The following DHX32 variants were observed in gnomAD, a reference collection of about 807,000 sequenced individuals.
DHX32 encodes DEAH-box helicase 32 (putative).
Under a neutral mutation model 70.0 loss-of-function variants are expected in DHX32, and 51 were observed. The observed-to-expected ratio is 0.73, with a 90% CI of 0.58 to 0.92. The LOEUF (loss-of-function observed/expected upper bound fraction) is 0.92. DHX32 is among the 40% of genes least tolerant of loss of function. The probability of loss-of-function intolerance (pLI) is 0.00; values close to 1 mark genes in which losing one functional copy is unlikely to be tolerated. For missense variants in DHX32, 762 were observed against 891.8 expected (o/e 0.85, Z 1.85); for synonymous variants, 310 against 315.3 (o/e 0.98, Z 0.18).
intron 1 of DHX32, among the ~76,000 whole-genome samples, chr10:125,872,178 T>C (rs764094835): frequency 2.6e-5 from 4 of 152,120 alleles, no homozygotes; most frequent in Non-Finnish European, 5.9e-5. Context: ...TTCTGGGTAC[T>C]ACTTAGCAAC....
chr10:125,843,856 C>T (rs887143640), intron 6 of DHX32, among the ~76,000 whole-genome samples: 1 of 152,204 alleles, frequency 6.6e-6, no homozygotes, highest in Non-Finnish European at 1.5e-5. Context: ...CAGTGCCAAA[C>T]CACCCAAGGG....
At chr10:125,890,947 T>TA (rs11268364) in intron 1 of DHX32, among the ~76,000 whole-genome samples, 9 of 151,882 alleles carry the variant, frequency 5.9e-5, no homozygotes, top group Non-Finnish European at 1.5e-5. Flanking sequence ...CCGTCTCTAT[T>TA]AAAAAAACAT....
chr10:125,839,206 CAAGG>C lies in DHX32; in HGVS notation c.1694-22_1694-19del. ...CACACAGTCTAGGAGGGAAAGAACACAAGGCTATTTAGAAATGATTTGTCAGAAG... is the reference window on the plus strand; with the variant it reads ...CACACAGTCTAGGAGGGAAAGAACACCTATTTAGAAATGATTTGTCAGAAG... On this transcript the variant is annotated intron_variant, in intron 8 of 10. Coordinates refer to ENST00000284690, the MANE Select transcript of DHX32 (RefSeq NM_018180.3). The C allele has an allele frequency of 6.2e-7, 1 of 1,610,082 alleles. No homozygotes were observed. Among genetic ancestry groups the C allele is most frequent in the Non-Finnish European group, 8.5e-7 (1 of 1,177,210 alleles).
At chr10:125,860,099 G>A in intron 2 of DHX32, 124 bp from the exon 3 acceptor site, 3 of 853,708 alleles carry the variant, frequency 3.5e-6, no homozygotes, top group Non-Finnish European at 5.2e-6. Context: ...TTTTTACTGG[G>A]GCCAAAATTC....
In DHX32 at chr10:125,866,369, G is replaced by A. The variant is rs1440867864; in HGVS notation, c.476+621C>T. Among the ~76,000 whole-genome samples, 1 of 152,160 alleles carries A rather than the reference G, an allele frequency of 6.6e-6. No homozygotes were observed. The highest frequency in any genetic ancestry group is 1.5e-5 in the Non-Finnish European group (1 of 68,044). Reference sequence around the variant, plus strand: ...GCACAGAAGAGATACCACAACTTGCGGTAGCCACAGAGAAGTCTCCTTGGA... The same window carrying A: ...GCACAGAAGAGATACCACAACTTGCAGTAGCCACAGAGAAGTCTCCTTGGA... On this transcript the variant is annotated intron_variant, in intron 2 of 10. Transcript: ENST00000284690. This position sits in a 1 kb window ranked among gnomAD's most constrained non-coding sequence, Gnocchi z 4.8.
At chr10:125,868,707 T>C (rs184675592) in intron 1 of DHX32, among the ~76,000 whole-genome samples, 13 of 152,356 alleles carry the variant, frequency 8.5e-5, no homozygotes, top group African/African-American at 1.7e-4. Context: ...ACCTAAGGGA[T>C]TGGCTTGCCA....
intron 6 of DHX32, among the ~76,000 whole-genome samples, chr10:125,850,418 C>T (rs976981373): frequency 4.9e-5 from 7 of 143,328 alleles, no homozygotes; most frequent in African/African-American, 1.3e-4. Flanking sequence ...AGTGCAATGG[C>T]GCAATCTTGG....
chr10:125,894,758 A>T (rs969658804), intron 1 of DHX32, among the ~76,000 whole-genome samples: 5 of 152,426 alleles, frequency 3.3e-5, no homozygotes, highest in Middle Eastern at 6.8e-3. Flanking sequence ...AATAAATGCC[A>T]GGTGTTTTTT....
intron 1 of DHX32, among the ~76,000 whole-genome samples, chr10:125,877,573 G>A (rs953858895): frequency 7.2e-5 from 11 of 152,104 alleles, no homozygotes; most frequent in African/African-American, 2.7e-4. Flanking sequence ...TGTAATCCCA[G>A]CTACTCAAGA....
Position 125,859,885 on chromosome 10 carries a change from T to G in DHX32, c.567A>C (p.Glu189Asp). Residue 189 changes from glutamate (E) to aspartate (D), a missense_variant, in exon 3 of 11, where the codon GAA becomes GAC. Glu to Asp is a conservative substitution (Grantham distance 45). Coordinates refer to ENST00000284690, the MANE Select transcript of DHX32 (RefSeq NM_018180.3). ...YGVIILDDIH[E>D]RSIATDVLLG... ...GTAACACATCAGTTGCAATGCTTCT[T>G]TCATGAATATCATCTAAGATGATGA... 6.2e-7 allele frequency: 1 copy of G among 1,614,102 alleles called. No homozygotes were observed. Among genetic ancestry groups the G allele is most frequent in the South Asian group, 1.1e-5 (1 of 91,066 alleles).
chr10:125,888,220 T>TTTA (rs1554898342), intron 1 of DHX32, among the ~76,000 whole-genome samples: 1 of 148,372 alleles, frequency 6.7e-6, no homozygotes, highest in African/African-American at 2.5e-5. Context: ...TTTTTTTTTT[T>TTTA]AAAGACAGGG....
intron 1 of DHX32, among the ~76,000 whole-genome samples, chr10:125,867,609 G>A (rs564633651): frequency 6.6e-5 from 10 of 152,092 alleles, no homozygotes; most frequent in South Asian, 2.1e-4. Flanking sequence ...GGTGGCGGGC[G>A]CCTGTAGTCT....
At chr10:125,892,589 C>T (rs1944377870) in intron 1 of DHX32, among the ~76,000 whole-genome samples, 1 of 152,222 alleles carries the variant, frequency 6.6e-6, no homozygotes, top group Non-Finnish European at 1.5e-5. Flanking sequence ...CGTGCCTCAG[C>T]CCAGGCTGTT....
rs1854702597 is a variant in DHX32 at position 125,836,794 on chromosome 10, T to C, written c.2125A>G (p.Ile709Val). The C allele has an allele frequency of 6.2e-7, 1 of 1,614,082 alleles. No homozygotes were observed. The highest frequency in any genetic ancestry group is 1.7e-5 in the Admixed American group (1 of 60,008). ...AGGTGATCCACTACTTGCTGTAGAA[T>C]GTCCTTACTTTCACTAGGAGGCAGA... ...SNLPPSESKD[I>V]LQQVVDHLSP... The change falls in exon 11 of 11, where the codon ATT becomes GTT. Residue 709 changes from isoleucine to valine, a missense_variant. By Grantham distance (29) the Ile-to-Val change is conservative (BLOSUM62 3). Around this residue, in one of 3 missense-constraint regions of DHX32, gnomAD observed 366 missense variants for 402.6 expected, o/e 0.91. Coordinates refer to ENST00000284690, the MANE Select transcript of DHX32 (RefSeq NM_018180.3).
intron 3 of DHX32, 35 bp from the exon 4 acceptor site, chr10:125,854,238 A>C: frequency 1.9e-6 from 3 of 1,545,900 alleles, no homozygotes; most frequent in Non-Finnish European, 1.7e-6. Context: ...ATAAAATACA[A>C]TGCAAACAAC....
chr10:125,881,024 C>T lies in DHX32; in HGVS notation c.-200G>A. On this transcript the variant is annotated 5_prime_UTR_variant, in exon 1 of 11. Coordinates refer to ENST00000284690, the MANE Select transcript of DHX32 (RefSeq NM_018180.3). ...GTTGCTGTGTTACCCACTGTGCTGGCTCACTACAGCACTCTTCGGCATTGT... is the reference window on the plus strand; with the variant it reads ...GTTGCTGTGTTACCCACTGTGCTGGTTCACTACAGCACTCTTCGGCATTGT... 5.1e-6 allele frequency: 3 copies of T among 588,796 alleles called. No homozygotes were observed. Among genetic ancestry groups the T allele is most frequent in the Non-Finnish European group, 8.8e-6 (3 of 341,226 alleles). The allele number at this position is 588,796 out of a possible 1,614,324, so 36.5% of individuals were successfully genotyped here. A position where few individuals can be genotyped will look rare whatever the true frequency, so the allele number is the denominator to read the frequency against.
chr10:125,854,096 G>A lies in DHX32; in HGVS notation c.957C>T (p.Phe319=). ...TTTTTTCTGTTTCATCGAGTGGCTT[G>A]AACAATGAACATTTCTCTTTTGGAT... is the stretch of plus-strand genomic sequence containing the variant. ...PLYPKEKCSL[F]KPLDETEKRC... The change falls in exon 4 of 11, where the codon TTC becomes TTT. Residue 319 remains phenylalanine (F), a synonymous_variant. Coordinates refer to ENST00000284690, the MANE Select transcript of DHX32 (RefSeq NM_018180.3). 1 of 1,613,700 alleles carries A rather than the reference G, an allele frequency of 6.2e-7. No homozygotes were observed. The highest frequency in any genetic ancestry group is 1.1e-5 in the South Asian group (1 of 91,070).
chr10:125,855,812 A>G (rs1344561132), intron 3 of DHX32, among the ~76,000 whole-genome samples: 1 of 152,162 alleles, frequency 6.6e-6, no homozygotes, highest in Non-Finnish European at 1.5e-5. Context: ...TGTGGGAAAA[A>G]TAATTATGGC....
intron 10 of DHX32, 147 bp downstream of exon 10, chr10:125,838,059 G>T: frequency 1.5e-6 from 1 of 672,022 alleles, no homozygotes; most frequent in Non-Finnish European, 2.4e-6. Flanking sequence ...CATCCACAGA[G>T]GCCTGCCCTT....
Sources: allele counts gnomAD v4.1 joint callset (sites outside exome capture counted in the v4.1 genomes callset), GRCh38; gene constraint gnomAD v4.1.1; regional missense constraint gnomAD v4.1.1; non-coding constraint Gnocchi (gnomAD v3.1); transcripts MANE v1.5; gene names NCBI Gene and HGNC (gene_info 2026-07-23, HGNC 2026-07-21).